Variants in VSIG10 observed in about 807,000 individuals in gnomAD.
The protein encoded by VSIG10 is V-set and immunoglobulin domain-containing protein 10.
VSIG10 carries 48 observed loss-of-function variants against 58.7 expected under a neutral mutation model. That is an observed-to-expected ratio of 0.82 (90% CI 0.65 to 1.04). The LOEUF (loss-of-function observed/expected upper bound fraction) is 1.04, where lower values mean the gene tolerates loss of function less well. Among genes scored for constraint, VSIG10 ranks in the 50% least tolerant of loss-of-function variants. The pLI, the probability that VSIG10 is intolerant of heterozygous loss-of-function variation, is 0.00. For synonymous variants in VSIG10, 260 were observed against 267.1 expected (o/e 0.97, Z 0.26); for missense variants, 628 against 670.0 (o/e 0.94, Z 0.69).
chr12:118,083,560 C>G (rs1388567363), intron 2 of VSIG10, among the ~76,000 whole-genome samples: 6 of 152,114 alleles, frequency 3.9e-5, no homozygotes, highest in Non-Finnish European at 8.8e-5. Flanking sequence ...GCCTGGGCAA[C>G]AGAGTGAGAC....
intron 2 of VSIG10, among the ~76,000 whole-genome samples, chr12:118,092,712 G>A (rs1229811458): frequency 1.4e-5 from 2 of 146,150 alleles, no homozygotes; most frequent in Non-Finnish European, 3.0e-5. Context: ...ACAGTTCACT[G>A]CAGCCTCGAC....
intron 8 of VSIG10, among the ~76,000 whole-genome samples, chr12:118,067,669 C>A (rs1363990200): frequency 6.6e-6 from 1 of 151,982 alleles, no homozygotes; most frequent in African/African-American, 2.4e-5. Flanking sequence ...ACCATGTTGG[C>A]CAGGCTGGTC....
In VSIG10 at chr12:118,073,738, C is replaced by T. The variant is rs2032593423; in HGVS notation, c.1180G>A (p.Val394Ile). 1.9e-6 allele frequency: 3 copies of T among 1,613,776 alleles called. No homozygotes were observed. Among genetic ancestry groups the T allele is most frequent in the Admixed American group, 1.7e-5 (1 of 59,976 alleles). ...CAGATTTCCATCTCCCTCACCCCTACAGGGCTGTCAGCTCGGCAGATGTAG... is the reference window on the plus strand; with the variant it reads ...CAGATTTCCATCTCCCTCACCCCTATAGGGCTGTCAGCTCGGCAGATGTAG... ...GYYICRADSP[V>I]GVREMEIWLS... The change falls in exon 5 of 9, where the codon GTA becomes ATA. Residue 394 changes from valine (V) to isoleucine (I), a missense_variant. Transcript: ENST00000359236.
intron 1 of VSIG10, among the ~76,000 whole-genome samples, chr12:118,099,872 C>G (rs2033578281): frequency 6.6e-6 from 1 of 152,216 alleles, no homozygotes; most frequent in Non-Finnish European, 1.5e-5. Flanking sequence ...TGAAGCCAGC[C>G]TGGAGCCCCA....
At chr12:118,072,283 G>A (rs796230625) in intron 5 of VSIG10, among the ~76,000 whole-genome samples, 12 of 151,834 alleles carry the variant, frequency 7.9e-5, no homozygotes, top group African/African-American at 2.9e-4. Flanking sequence ...GGCTAACACA[G>A]TGAAACCCCA....
chr12:118,087,295 C>T (rs1039755416), intron 2 of VSIG10, among the ~76,000 whole-genome samples: 10 of 151,818 alleles, frequency 6.6e-5, no homozygotes, highest in African/African-American at 1.5e-4. Context: ...TGAATTGCCC[C>T]GGGCCTACAG....
chr12:118,084,705 C>G (rs2033066398), intron 2 of VSIG10, among the ~76,000 whole-genome samples: 1 of 152,096 alleles, frequency 6.6e-6, no homozygotes, highest in Non-Finnish European at 1.5e-5. Context: ...ATGGTGAAAC[C>G]CCATCTCTAC....
intron 3 of VSIG10, among the ~76,000 whole-genome samples, chr12:118,081,389 C>T (rs4767657): frequency 0.41 from 61,827 of 151,582 alleles, 12,938 homozygotes; most frequent in East Asian, 0.59. Flanking sequence ...TGCAGTGGCA[C>T]ATCTTGGCTC....
chr12:118,067,594 G>T (rs2032300613), intron 8 of VSIG10, among the ~76,000 whole-genome samples: 2 of 151,668 alleles, frequency 1.3e-5, no homozygotes, highest in African/African-American at 4.8e-5. Context: ...CTCCCAAGTA[G>T]CTGGGATTAC....
At chr12:118,090,658 C>A (rs1236994961) in intron 2 of VSIG10, among the ~76,000 whole-genome samples, 1 of 152,094 alleles carries the variant, frequency 6.6e-6, no homozygotes, top group Admixed American at 6.6e-5. Flanking sequence ...GAATTCTTCT[C>A]CTTTTATTTT....
At position 118,071,365 on chromosome 12, in the gene VSIG10, A is replaced by C; in HGVS notation, c.1324T>G (p.Trp442Gly). The C allele has an allele frequency of 6.2e-7, 1 of 1,613,790 alleles. No homozygotes were observed. The highest frequency in any genetic ancestry group is 1.1e-5 in the South Asian group (1 of 91,068). ...LLLHYSPVFCWKVGNTSRGQN... is the reference protein window; with the variant it reads ...LLLHYSPVFCGKVGNTSRGQN... ...GGACCCAGGGAGTCCTTACCTTTCC[A>C]GCAGAACACAGGGCTATAATGCAAC... The change falls in exon 6 of 9, where the codon TGG (tryptophan) becomes GGG (glycine). Residue 442 changes from tryptophan (W) to glycine (G), a missense_variant. Transcript: ENST00000359236.
At chr12:118,090,842 C>T (rs189116515) in intron 2 of VSIG10, among the ~76,000 whole-genome samples, 222 of 152,150 alleles carry the variant, frequency 1.5e-3, no homozygotes, top group Admixed American at 2.9e-3. Flanking sequence ...GTTTAAATGT[C>T]ACTACTTCCA....
At chr12:118,079,301 A>G in intron 4 of VSIG10, 45 bp downstream of exon 4, 2 of 1,597,572 alleles carry the variant, frequency 1.3e-6, no homozygotes, top group African/African-American at 2.7e-5. Flanking sequence ...AGGAGAAAGG[A>G]AGGCAGGGAA....
In VSIG10 at chr12:118,099,884, G is replaced by A. The variant is rs147404147; in HGVS notation, c.79+3709C>T. 1.6e-3 allele frequency among the ~76,000 whole-genome samples: 251 copies of A among 152,338 alleles called. 1 individual carries two copies. Among genetic ancestry groups the A allele is most frequent in the African/African-American group, 5.9e-3 (244 of 41,578 alleles). ...ATCTGAAGCCAGCCTGGAGCCCCAG[G>A]AAGTTCTGATTCTCTCACCATTTTG... On this transcript the variant is annotated intron_variant, in intron 1 of 8. Coordinates refer to ENST00000359236, the MANE Select transcript of VSIG10 (RefSeq NM_019086.6).
intron 4 of VSIG10, among the ~76,000 whole-genome samples, chr12:118,074,774 G>A (rs748465212): frequency 9.9e-5 from 15 of 152,122 alleles, no homozygotes; most frequent in Admixed American, 5.9e-4. Flanking sequence ...CCACCGTGCC[G>A]GGCCAATTCA....
intron 7 of VSIG10, among the ~76,000 whole-genome samples, 184 bp from the exon 8 acceptor site, chr12:118,068,781 A>C (rs1280557153): frequency 1.3e-5 from 2 of 152,156 alleles, no homozygotes; most frequent in African/African-American, 4.8e-5. Flanking sequence ...GCTTCAGATG[A>C]TGGTATCTCA....
At chr12:118,071,013 C>G (rs374088167) in intron 7 of VSIG10, 39 bp downstream of exon 7, 1 of 1,595,694 alleles carries the variant, frequency 6.3e-7, no homozygotes, top group South Asian at 1.1e-5. Flanking sequence ...AAGACAGATG[C>G]GGGAATGGGT....
At position 118,066,558 on chromosome 12, in the gene VSIG10, A is replaced by G. The variant is rs1387940306; in HGVS notation, c.*81T>C. 1 of 1,517,186 alleles carries G rather than the reference A, an allele frequency of 6.6e-7. No homozygotes were observed. 94.0% of individuals were successfully genotyped at this position (1,517,186 alleles called of 1,614,324 possible). ...AAGCCCCCGCCAGGGGTGCAGGTGG[A>G]GTCAAAGCTGAATGAAGAGCTCGTC... is the stretch of plus-strand genomic sequence containing the variant. On this transcript the variant is annotated 3_prime_UTR_variant, in exon 9 of 9. Coordinates refer to ENST00000359236, the MANE Select transcript of VSIG10 (RefSeq NM_019086.6).
intron 2 of VSIG10, among the ~76,000 whole-genome samples, chr12:118,091,491 C>CAA (rs34366147): frequency 1.1e-4 from 12 of 107,066 alleles, no homozygotes; most frequent in East Asian, 2.6e-4. Flanking sequence ...GACTCTGTCT[C>CAA]AAAAAAAAAA....
Sources: allele counts gnomAD v4.1 joint callset (sites outside exome capture counted in the v4.1 genomes callset), GRCh38; gene constraint gnomAD v4.1.1; transcripts MANE v1.5; gene names NCBI Gene and HGNC (gene_info 2026-07-23, HGNC 2026-07-21).